Variants in SPATA1 observed in about 807,000 individuals in gnomAD.
The protein encoded by SPATA1 is spermatogenesis associated 1, also known as spermatogenesis-associated protein 1.
In SPATA1, 57 loss-of-function variants were observed where a neutral mutation model predicts 59.6. That is an observed-to-expected ratio of 0.96 (90% confidence interval 0.77 to 1.19). SPATA1 has a LOEUF of 1.19. SPATA1 is among the 50% of genes most tolerant of loss of function. The probability of loss-of-function intolerance (pLI) is 0.00; values close to 1 mark genes in which losing one functional copy is unlikely to be tolerated. For synonymous variants in SPATA1, 147 were observed against 163.9 expected (o/e 0.90, Z 0.79); for missense variants, 448 against 480.7 (o/e 0.93, Z 0.64).
chr1:84,528,029 C>G (rs1683303032), intron 6 of SPATA1, among the ~76,000 whole-genome samples: 1 of 152,144 alleles, frequency 6.6e-6, no homozygotes, highest in African/African-American at 2.4e-5. Flanking sequence ...CCGCTCCAGG[C>G]CAGAGCAACA....
chr1:84,537,575 T>C (rs1439591925), intron 8 of SPATA1, among the ~76,000 whole-genome samples: 2 of 152,190 alleles, frequency 1.3e-5, no homozygotes, highest in African/African-American at 4.8e-5. Flanking sequence ...AAAAACCCTG[T>C]CACTCAGCCA....
intron 1 of SPATA1, among the ~76,000 whole-genome samples, chr1:84,508,278 G>A (rs923994246): frequency 1.4e-5 from 2 of 145,782 alleles, no homozygotes; most frequent in African/African-American, 5.4e-5. Context: ...GTGAGACTCC[G>A]TCTCAAAAAA....
At chr1:84,511,439 A>G (rs936082781) in intron 1 of SPATA1, among the ~76,000 whole-genome samples, 1 of 152,176 alleles carries the variant, frequency 6.6e-6, no homozygotes, top group African/African-American at 2.4e-5. Context: ...CAAGACAAGT[A>G]TGCCATTTTG....
At position 84,516,212 on chromosome 1, in the gene SPATA1, G is replaced by T; in HGVS notation, c.-137-11G>T. 3 of 591,884 alleles carry T rather than the reference G, an allele frequency of 5.1e-6. No individual in the cohort carries two copies. The highest frequency in any genetic ancestry group is 3.1e-5 in the South Asian group (1 of 32,484). 36.7% of individuals were successfully genotyped at this position (591,884 alleles called of 1,614,324 possible). On this transcript the variant is annotated splice_polypyrimidine_tract_variant and intron_variant, in intron 1 of 12. Transcript: ENST00000490879. ...TTTTGTGTTTTCCTTTTTATTTCTTGAACAAATCAGAGACCAGAAATGAGT... is the reference window on the plus strand; with the variant it reads ...TTTTGTGTTTTCCTTTTTATTTCTTTAACAAATCAGAGACCAGAAATGAGT...
At chr1:84,531,433 G>C (rs528547459) in intron 6 of SPATA1, among the ~76,000 whole-genome samples, 1 of 152,018 alleles carries the variant, frequency 6.6e-6, no homozygotes, top group South Asian at 2.1e-4. Flanking sequence ...AAAGTCCTGG[G>C]ATTACAGACA....
chr1:84,563,905 C>T (rs762358070), intron 4 of SPATA1: 189 of 1,443,382 alleles, frequency 1.3e-4, no homozygotes, highest in Non-Finnish European at 1.6e-4. Context: ...GCTATGCAAC[C>T]GTTCAGAATC....
intron 4 of SPATA1, among the ~76,000 whole-genome samples, chr1:84,561,657 CTTATT>C (rs1052417344): frequency 6.6e-6 from 1 of 152,144 alleles, no homozygotes; most frequent in African/African-American, 2.4e-5. Flanking sequence ...TCACTGTTGT[CTTATT>C]TTAAGAAATT....
At chr1:84,532,545 C>G (rs976545991) in intron 6 of SPATA1, among the ~76,000 whole-genome samples, 2 of 152,088 alleles carry the variant, frequency 1.3e-5, no homozygotes, top group African/African-American at 4.8e-5. Flanking sequence ...CTACCCCGCT[C>G]TTGCAGATTT....
chr1:84,565,407 A>C (rs917343328), intron 4 of SPATA1, among the ~76,000 whole-genome samples: 1 of 152,194 alleles, frequency 6.6e-6, no homozygotes, highest in African/African-American at 2.4e-5. Flanking sequence ...CCTATTAATC[A>C]TGCAATGAAG....
chr1:84,564,152 T>C (rs1411055509), intron 4 of SPATA1, among the ~76,000 whole-genome samples: 2 of 152,220 alleles, frequency 1.3e-5, no homozygotes, highest in Non-Finnish European at 1.5e-5. Flanking sequence ...TTCTAAGATA[T>C]GATATACTTG....
intron 4 of SPATA1, chr1:84,563,405 G>A: frequency 2.0e-6 from 3 of 1,535,812 alleles, no homozygotes; most frequent in Middle Eastern, 1.7e-4. Flanking sequence ...TTTTGCAATG[G>A]TACAAACATG....
intron 6 of SPATA1, among the ~76,000 whole-genome samples, chr1:84,528,867 C>T (rs1022282557): frequency 6.6e-6 from 1 of 152,120 alleles, no homozygotes; most frequent in Non-Finnish European, 1.5e-5. Flanking sequence ...TTTCTGTCTC[C>T]TTGTTTCTCT....
chr1:84,508,543 G>C (rs1410880282), intron 1 of SPATA1, among the ~76,000 whole-genome samples: 1 of 152,166 alleles, frequency 6.6e-6, no homozygotes, highest in African/African-American at 2.4e-5. Context: ...AGACCACCAA[G>C]TAATCTGTCA....
At chr1:84,535,743 C>T (rs11801376) in intron 8 of SPATA1, among the ~76,000 whole-genome samples, 2,494 of 151,534 alleles carry the variant, frequency 0.016, 67 homozygotes, top group African/African-American at 0.056. Flanking sequence ...TTAGGACTTT[C>T]TACGTACATA....
At chr1:84,510,605 C>T (rs1385713660) in intron 1 of SPATA1, among the ~76,000 whole-genome samples, 3 of 152,136 alleles carry the variant, frequency 2.0e-5, no homozygotes, top group Non-Finnish European at 2.9e-5. Context: ...CTTGGAGGTT[C>T]CTCAGAAAAA....
intron 8 of SPATA1, among the ~76,000 whole-genome samples, chr1:84,535,279 T>C (rs986746764): frequency 2.6e-5 from 4 of 152,148 alleles, no homozygotes; most frequent in Admixed American, 6.5e-5. Context: ...TAGCGTAAGA[T>C]TTCCAAGTCA....
Position 84,553,156 on chromosome 1 carries a change from A to T in SPATA1, c.*32A>T, listed in dbSNP as rs932312497. On this transcript the variant is annotated 3_prime_UTR_variant, in exon 13 of 13. Transcript: ENST00000490879. ...TAATTTAAAACTTTTATTTGTAAAA[A>T]AATTTAAATATGTATTTGAACAGAT... 4.1e-6 allele frequency: 5 copies of T among 1,230,448 alleles called. No individual in the cohort carries two copies. The Admixed American group carries it at 1.5e-4, about 37-fold the overall frequency. 76.2% of individuals were successfully genotyped at this position (1,230,448 alleles called of 1,614,324 possible). A position where few individuals can be genotyped will look rare whatever the true frequency, so the allele number is the denominator to read the frequency against.
At chr1:84,550,063 T>G (rs1684223941) in intron 11 of SPATA1, 1 of 152,404 alleles carries the variant, frequency 6.6e-6, no homozygotes. Context: ...AAATTAGTTT[T>G]TGCATATAAA....
At chr1:84,566,905 C>T (rs957357348), downstream of SPATA1, among the ~76,000 whole-genome samples, 1 of 152,232 alleles carries the variant, frequency 6.6e-6, no homozygotes, top group East Asian at 1.9e-4. Context: ...AAAGTGCTTA[C>T]AGGCGTGAGC....
Sources: allele counts gnomAD v4.1 joint callset (sites outside exome capture counted in the v4.1 genomes callset), GRCh38; gene constraint gnomAD v4.1.1; transcripts MANE v1.5; gene names NCBI Gene and HGNC (gene_info 2026-07-23, HGNC 2026-07-21).